EPB41L2: variants seen among roughly 807,000 people sequenced by gnomAD.
EPB41L2 encodes the protein band 4.1-like protein 2.
EPB41L2 carries 43 observed loss-of-function variants against 113.0 expected under a neutral mutation model. That is an observed-to-expected ratio of 0.38 (90% CI 0.30 to 0.49). EPB41L2 has a LOEUF of 0.49. Among genes scored for constraint, EPB41L2 ranks in the 20% least tolerant of loss-of-function variants. The pLI is 0.95. For synonymous variants in EPB41L2, 442 were observed against 436.7 expected, an observed-to-expected ratio of 1.01 and a Z score of -0.15; for missense variants, 1,147 against 1,223.4, an observed-to-expected ratio of 0.94 and a Z score of 0.93.
intron 1 of EPB41L2, among the ~76,000 whole-genome samples, chr6:130,973,067 G>A (rs1287947095): frequency 2.0e-5 from 3 of 151,862 alleles, no homozygotes; most frequent in Admixed American, 6.6e-5. Context: ...AGCCGAGATC[G>A]TGCCATTGCA....
At chr6:130,989,637 T>C (rs560910641) in intron 1 of EPB41L2, among the ~76,000 whole-genome samples, 1 of 152,354 alleles carries the variant, frequency 6.6e-6, no homozygotes, top group East Asian at 1.9e-4. Context: ...TAACGAAACC[T>C]TCTGCTTCTC....
At chr6:130,927,841 C>T (rs1158149213) in intron 3 of EPB41L2, among the ~76,000 whole-genome samples, 2 of 152,122 alleles carry the variant, frequency 1.3e-5, no homozygotes, top group Non-Finnish European at 2.9e-5. Flanking sequence ...GCCTGTAATC[C>T]CAGCACTTTG....
At chr6:131,046,367 C>T (rs543690219) in intron 1 of EPB41L2, among the ~76,000 whole-genome samples, 3 of 152,208 alleles carry the variant, frequency 2.0e-5, no homozygotes, top group South Asian at 2.1e-4. Flanking sequence ...ACTTGACCAC[C>T]GTCACACTTA....
chr6:130,978,233 C>G (rs1383892605), intron 1 of EPB41L2, among the ~76,000 whole-genome samples: 2 of 152,224 alleles, frequency 1.3e-5, no homozygotes, highest in African/African-American at 2.4e-5. Flanking sequence ...TCTACCAGGG[C>G]AAGCTGGGGA....
chr6:130,846,705 T>C (rs532516206), intron 19 of EPB41L2, among the ~76,000 whole-genome samples: 20 of 152,320 alleles, frequency 1.3e-4, no homozygotes, highest in African/African-American at 4.8e-4. Context: ...TTCAGGCCTT[T>C]TGGGACTGGG....
chr6:130,990,787 T>C (rs1781650432), intron 1 of EPB41L2, among the ~76,000 whole-genome samples: 1 of 152,108 alleles, frequency 6.6e-6, no homozygotes, highest in East Asian at 1.9e-4. Flanking sequence ...TATAATTAAA[T>C]GTTCTAAAGG....
At chr6:130,890,607 A>G in intron 10 of EPB41L2, 141 bp from the exon 11 acceptor site, 1 of 1,009,144 alleles carries the variant, frequency 9.9e-7, no homozygotes, top group Non-Finnish European at 1.4e-6. Flanking sequence ...AAACTTTCTA[A>G]AGAACATTAT....
At chr6:130,935,701 C>T (rs1808553899) in intron 3 of EPB41L2, among the ~76,000 whole-genome samples, 1 of 152,122 alleles carries the variant, frequency 6.6e-6, no homozygotes, top group African/African-American at 2.4e-5. Flanking sequence ...TCATTCATAA[C>T]TACACACGAA....
rs759961373 is a variant in EPB41L2 at position 130,901,186 on chromosome 6, A to T, written c.930-6T>A. ...GCTGAAGGCACAAGAAGTATCTGTG[A>T]GGAGCAGAGGGAGAAATGGGTCAGG... On this transcript the variant is annotated splice_polypyrimidine_tract_variant and splice_region_variant and intron_variant, in intron 6 of 19. Coordinates refer to ENST00000337057, the MANE Select transcript of EPB41L2 (RefSeq NM_001431.4). 3.1e-6 allele frequency: 5 copies of T among 1,612,558 alleles called. No individual in the cohort carries two copies. The Admixed American group carries it at 8.3e-5, about 27-fold the overall frequency.
chr6:130,894,438 C>T lies in EPB41L2; in HGVS notation c.1393G>A (p.Glu465Lys). 1.2e-6 allele frequency: 2 copies of T among 1,613,560 alleles called. No individual in the cohort carries two copies. Among genetic ancestry groups the T allele is most frequent in the African/African-American group, 1.3e-5 (1 of 74,978 alleles). ...AATCCAATGGTACTCTCAAACTGTT[C>T]CAGCTGGAATAAATCCGTAAAACAA... Reference protein sequence around the residue: ...FYIKVRPAELEQFESTIGFKL... With the variant: ...FYIKVRPAELKQFESTIGFKL... The change falls in exon 10 of 20, where the codon GAA becomes AAA. Residue 465 changes from glutamate (E) to lysine (K), a missense_variant. Coordinates refer to ENST00000337057, the MANE Select transcript of EPB41L2 (RefSeq NM_001431.4).
At chr6:130,961,482 T>A (rs939171506) in intron 1 of EPB41L2, among the ~76,000 whole-genome samples, 1 of 152,228 alleles carries the variant, frequency 6.6e-6, no homozygotes, top group Non-Finnish European at 1.5e-5. Context: ...AATTCTAATG[T>A]GCTATCTCTA....
intron 3 of EPB41L2, among the ~76,000 whole-genome samples, chr6:130,944,038 CA>C: frequency 6.6e-6 from 1 of 152,206 alleles, no homozygotes. Flanking sequence ...TTTTCATTTA[CA>C]ATAAGCCTTT....
chr6:130,862,659 T>TTA (rs1201401404), intron 18 of EPB41L2, among the ~76,000 whole-genome samples: 1 of 152,136 alleles, frequency 6.6e-6, no homozygotes, highest in Non-Finnish European at 1.5e-5. Flanking sequence ...CTTAAGAAAA[T>TTA]TTTAAAAGTA....
intron 1 of EPB41L2, among the ~76,000 whole-genome samples, chr6:131,024,765 C>T (rs1429753400): frequency 5.3e-5 from 8 of 152,238 alleles, no homozygotes; most frequent in South Asian, 4.1e-4. Context: ...CCCAACTAAC[C>T]TTAGAGCCTT....
At chr6:131,020,791 C>T (rs983313889) in intron 1 of EPB41L2, among the ~76,000 whole-genome samples, 12 of 149,458 alleles carry the variant, frequency 8.0e-5, no homozygotes, top group Non-Finnish European at 1.8e-4. Context: ...GCTCTTGGAA[C>T]AATTTTTTGT....
At chr6:130,884,122 G>A (rs976348736) in intron 12 of EPB41L2, among the ~76,000 whole-genome samples, 1 of 152,116 alleles carries the variant, frequency 6.6e-6, no homozygotes, top group Non-Finnish European at 1.5e-5. Context: ...ATCACTTGAG[G>A]TCAGGAGTTC....
intron 1 of EPB41L2, chr6:130,978,670 A>T (rs1201624902): frequency 6.6e-6 from 1 of 152,244 alleles, no homozygotes; most frequent in East Asian, 1.9e-4. Context: ...AGATCCATTC[A>T]TTCCATGAGG....
chr6:130,965,896 C>CACA (rs973698016), intron 1 of EPB41L2, among the ~76,000 whole-genome samples: 31 of 152,196 alleles, frequency 2.0e-4, no homozygotes, highest in African/African-American at 7.2e-4. Flanking sequence ...CAAATGTGTC[C>CACA]ACACTTTAAA....
intron 1 of EPB41L2, among the ~76,000 whole-genome samples, chr6:130,989,049 A>C (rs1201311104): frequency 6.6e-6 from 1 of 152,140 alleles, no homozygotes; most frequent in East Asian, 1.9e-4. Flanking sequence ...AGATCACGCC[A>C]CTGCACTCCA....
Sources: gnomAD v4.1 joint callset for allele counts (sites outside exome capture counted in the v4.1 genomes callset) on GRCh38, gnomAD v4.1.1 for gene constraint, MANE v1.5 for transcripts, NCBI Gene and HGNC (gene_info 2026-07-23, HGNC 2026-07-21) for gene names.